Variants in DGKB observed in about 807,000 individuals in gnomAD.
DGKB encodes the protein 90 kDa diacylglycerol kinase.
Under a neutral mutation model 114.3 loss-of-function variants are expected in DGKB, and 67 were observed. That is an observed-to-expected ratio of 0.59 (90% confidence interval 0.48 to 0.72). DGKB has a LOEUF of 0.72. Ranked by LOEUF, DGKB falls within the 30% of genes least tolerant of loss-of-function variation. The probability of loss-of-function intolerance (pLI) is 0.00; values close to 1 mark genes in which losing one functional copy is unlikely to be tolerated. For synonymous variants in DGKB, 398 were observed against 323.1 expected (o/e 1.23, Z -2.49); for missense variants, 907 against 975.2 (o/e 0.93, Z 0.93).
At chr7:14,905,108 C>T (rs540327162), upstream of DGKB, among the ~76,000 whole-genome samples, 26 of 152,114 alleles carry the variant, frequency 1.7e-4, no homozygotes, top group Non-Finnish European at 2.5e-4. Context: ...ACACTCTAAA[C>T]ATTATTGAGA....
At chr7:14,771,327 A>G (rs1303301612) in intron 2 of DGKB, among the ~76,000 whole-genome samples, 2 of 152,064 alleles carry the variant, frequency 1.3e-5, no homozygotes, top group South Asian at 4.1e-4. Context: ...TTCTCCCTGT[A>G]CCCGGTAACA....
chr7:14,877,601 G>T (rs1035620654), intron 1 of DGKB, among the ~76,000 whole-genome samples: 2 of 152,030 alleles, frequency 1.3e-5, no homozygotes, highest in African/African-American at 4.8e-5. Context: ...TTTTATTTTG[G>T]GTGACCCCTC....
chr7:14,760,110 C>G (rs761821952), intron 2 of DGKB, among the ~76,000 whole-genome samples: 6 of 152,024 alleles, frequency 3.9e-5, no homozygotes, highest in Non-Finnish European at 7.4e-5. Flanking sequence ...GACGGTTTGT[C>G]TTTTTGTTGT....
At chr7:14,878,967 C>A (rs1853792711) in intron 1 of DGKB, among the ~76,000 whole-genome samples, 1 of 151,786 alleles carries the variant, frequency 6.6e-6, no homozygotes, top group Admixed American at 6.6e-5. Flanking sequence ...ATTTAAACAT[C>A]ACTACCAAAA....
At chr7:14,434,523 G>A (rs1263459623) in intron 21 of DGKB, among the ~76,000 whole-genome samples, 2 of 152,096 alleles carry the variant, frequency 1.3e-5, no homozygotes, top group Admixed American at 1.3e-4. Context: ...AGAAGAAAAG[G>A]AGCCATGCTG....
chr7:14,289,632 A>G (rs1302881572), intron 23 of DGKB, among the ~76,000 whole-genome samples: 1 of 152,104 alleles, frequency 6.6e-6, no homozygotes, highest in Non-Finnish European at 1.5e-5. Context: ...ATAATAAAGA[A>G]GAATAATACT....
chr7:14,411,993 T>C lies in DGKB; in HGVS notation c.1835+66168A>G, dbSNP rs181258593. On this transcript the variant is annotated intron_variant, in intron 21 of 25. Coordinates refer to ENST00000402815, the MANE Select transcript of DGKB (RefSeq NM_001350709.2). Reference sequence around the variant, plus strand: ...ATTGATATACCAGAAAATCAAGTTGTATAAGTAATAAGTGTTTTATTATCA... The same window carrying C: ...ATTGATATACCAGAAAATCAAGTTGCATAAGTAATAAGTGTTTTATTATCA... Among the ~76,000 whole-genome samples the C allele has an allele frequency of 2.0e-5, 3 of 152,292 alleles. No individual in the cohort carries two copies. In the East Asian group the frequency reaches 5.8e-4, roughly 29 times the overall value.
At chr7:14,272,902 AT>A (rs1168648114) in intron 23 of DGKB, among the ~76,000 whole-genome samples, 1 of 152,208 alleles carries the variant, frequency 6.6e-6, no homozygotes, top group Non-Finnish European at 1.5e-5. Context: ...GTAGGTTTGC[AT>A]GTTGAGACTA....
At chr7:14,943,514 T>C (rs1005158263) in intron 1 of DGKB, among the ~76,000 whole-genome samples, 1 of 151,932 alleles carries the variant, frequency 6.6e-6, no homozygotes, top group Admixed American at 6.6e-5. Flanking sequence ...ATTTTTATTG[T>C]TCTAGAATAA....
intron 21 of DGKB, among the ~76,000 whole-genome samples, chr7:14,458,499 C>T (rs2128862505): frequency 6.6e-6 from 1 of 152,182 alleles, no homozygotes; most frequent in African/African-American, 2.4e-5. Context: ...CTGAGGCACC[C>T]AGCTCCTCTC....
intron 2 of DGKB, among the ~76,000 whole-genome samples, chr7:14,834,153 A>C (rs1203876221): frequency 6.6e-6 from 1 of 152,184 alleles, no homozygotes; most frequent in Admixed American, 6.5e-5. Context: ...ATAAAGTATC[A>C]ACTTAAGATA....
intron 4 of DGKB, among the ~76,000 whole-genome samples, chr7:14,750,793 CTTTTTTTT>C (rs1016534410): frequency 8.0e-4 from 72 of 89,562 alleles, no homozygotes; most frequent in Non-Finnish European, 8.8e-4. Context: ...ATTTCTATTT[CTTTTTTTT>C]TTTTTTTTTT....
intron 21 of DGKB, among the ~76,000 whole-genome samples, chr7:14,468,279 A>G (rs1475959991): frequency 1.3e-5 from 2 of 152,014 alleles, no homozygotes. Context: ...CCAAAAGTAG[A>G]CTGTCCATTG....
At chr7:14,215,244 A>G (rs1381768936) in intron 23 of DGKB, among the ~76,000 whole-genome samples, 2 of 152,268 alleles carry the variant, frequency 1.3e-5, no homozygotes, top group African/African-American at 4.8e-5. Flanking sequence ...ATCCCATAAG[A>G]AAGGAACCTG....
At chr7:14,725,110 A>T (rs10215386) in intron 5 of DGKB, among the ~76,000 whole-genome samples, 3,467 of 152,240 alleles carry the variant, frequency 0.023, 133 homozygotes, top group African/African-American at 0.08. Context: ...ATTCAAAGTT[A>T]CAGTAAGCTA....
intron 23 of DGKB, among the ~76,000 whole-genome samples, chr7:14,202,815 T>C (rs1298392703): frequency 3.9e-5 from 6 of 152,020 alleles, no homozygotes; most frequent in Non-Finnish European, 1.5e-5. Flanking sequence ...AAGTATTTTA[T>C]GAATTTTGAA....
chr7:14,712,690 A>G (rs759277904), intron 6 of DGKB, among the ~76,000 whole-genome samples: 1 of 151,994 alleles, frequency 6.6e-6, no homozygotes, highest in Non-Finnish European at 1.5e-5. Context: ...AAATAAATAA[A>G]TAGAAAGAAA....
chr7:14,238,505 T>A (rs1363578300), intron 23 of DGKB, among the ~76,000 whole-genome samples: 1 of 152,056 alleles, frequency 6.6e-6, no homozygotes, highest in Admixed American at 6.6e-5. Flanking sequence ...ATTTTTTTAC[T>A]TAGTTTCCAG....
intron 13 of DGKB, among the ~76,000 whole-genome samples, chr7:14,654,198 A>G (rs550264458): frequency 6.6e-6 from 1 of 152,230 alleles, no homozygotes; most frequent in South Asian, 2.1e-4. Flanking sequence ...GCAGGATATA[A>G]AAATTAACAT....
Sources: allele counts gnomAD v4.1 joint callset (sites outside exome capture counted in the v4.1 genomes callset), GRCh38; gene constraint gnomAD v4.1.1; transcripts MANE v1.5; gene names NCBI Gene and HGNC (gene_info 2026-07-23, HGNC 2026-07-21).